CRYL1: variants seen among roughly 807,000 people sequenced by gnomAD.
CRYL1 encodes crystallin lambda 1.
A neutral mutation model predicts 36.6 loss-of-function variants in CRYL1; 29 were observed. The ratio of observed to expected loss-of-function variants is 0.79; its 90% CI spans 0.59 to 1.08. The LOEUF is 1.08. Ranked by LOEUF, CRYL1 falls within the 50% of genes least tolerant of loss-of-function variation. The pLI, the probability that CRYL1 is intolerant of heterozygous loss-of-function variation, is 0.00. For synonymous variants in CRYL1, 152 were observed against 151.5 expected (o/e 1.00, Z -0.02); for missense variants, 411 against 407.9 (o/e 1.01, Z -0.06).
intron 5 of CRYL1, among the ~76,000 whole-genome samples, chr13:20,420,523 G>GAA (rs60801537): frequency 5.6e-4 from 81 of 144,554 alleles, no homozygotes; most frequent in South Asian, 1.7e-3. Context: ...GGATTTAAAA[G>GAA]AAAAAAAAAA....
chr13:20,451,775 A>G (rs1396870504), intron 3 of CRYL1, among the ~76,000 whole-genome samples: 3 of 152,204 alleles, frequency 2.0e-5, no homozygotes, highest in Non-Finnish European at 2.9e-5. Flanking sequence ...CAGCAATCCC[A>G]TTACTGGGTA....
At chr13:20,514,237 C>T (rs2033963795) in intron 1 of CRYL1, among the ~76,000 whole-genome samples, 1 of 152,170 alleles carries the variant, frequency 6.6e-6, no homozygotes, top group Non-Finnish European at 1.5e-5. Context: ...AGTGGAGAAA[C>T]CTGACAAACC....
chr13:20,429,619 G>A (rs751697165), intron 5 of CRYL1, among the ~76,000 whole-genome samples: 5 of 152,162 alleles, frequency 3.3e-5, no homozygotes, highest in Non-Finnish European at 7.3e-5. Context: ...ATCACGGTAG[G>A]CAAGATTTCT....
intron 1 of CRYL1, among the ~76,000 whole-genome samples, chr13:20,520,775 ATGCACAGAG>A (rs2034079649): frequency 1.3e-5 from 2 of 152,192 alleles, no homozygotes. Flanking sequence ...GCAGCCTGGG[ATGCACAGAG>A]GTGAAACCAC....
At chr13:20,505,619 T>G (rs1006936632) in intron 2 of CRYL1, among the ~76,000 whole-genome samples, 1 of 152,128 alleles carries the variant, frequency 6.6e-6, no homozygotes, top group African/African-American at 2.4e-5. Context: ...CACACGTCAC[T>G]GCATAGTGAG....
intron 4 of CRYL1, among the ~76,000 whole-genome samples, chr13:20,439,174 C>T (rs1354165801): frequency 6.6e-6 from 1 of 152,160 alleles, no homozygotes; most frequent in East Asian, 1.9e-4. Flanking sequence ...AGTGACGTAT[C>T]TATACAATCC....
intron 5 of CRYL1, chr13:20,426,630 G>A: frequency 1.1e-6 from 1 of 918,274 alleles, no homozygotes; most frequent in Non-Finnish European, 1.3e-6. Context: ...ACAGAGCCAG[G>A]GACGTGGTAT....
chr13:20,413,702 G>A (rs1309500258), intron 5 of CRYL1, among the ~76,000 whole-genome samples: 1 of 152,120 alleles, frequency 6.6e-6, no homozygotes, highest in East Asian at 1.9e-4. Flanking sequence ...ATAATTTTGT[G>A]CATGAAATAG....
chr13:20,523,067 C>A (rs900223308), intron 1 of CRYL1, among the ~76,000 whole-genome samples: 8 of 151,926 alleles, frequency 5.3e-5, no homozygotes, highest in African/African-American at 1.5e-4. Flanking sequence ...CAGGCATGCA[C>A]CACCACGCCC....
At chr13:20,431,982 G>C in intron 5 of CRYL1, 120 bp downstream of exon 5, 4 of 1,567,068 alleles carry the variant, frequency 2.6e-6, no homozygotes, top group Non-Finnish European at 3.4e-6. Context: ...AGCAGCCTCT[G>C]ACTTTCCCAG....
chr13:20,419,471 T>C (rs1476761673), intron 5 of CRYL1, among the ~76,000 whole-genome samples: 2 of 151,928 alleles, frequency 1.3e-5, no homozygotes, highest in African/African-American at 4.9e-5. Flanking sequence ...TTTGTATTTT[T>C]AGTAGAGACA....
rs1022195468 is a variant in CRYL1, at chr13:20,427,210, C to T, written c.633+4892G>A. 6 of 985,342 alleles carry T rather than the reference C, an allele frequency of 6.1e-6. No homozygotes were observed. In the Admixed American group the frequency reaches 2.5e-4, roughly 40 times the overall value. 61.0% of individuals were successfully genotyped at this position (985,342 alleles called of 1,614,324 possible). On this transcript the variant is annotated intron_variant, in intron 5 of 7. Coordinates refer to ENST00000298248, the MANE Select transcript of CRYL1 (RefSeq NM_015974.3). ...ATCACGTGACCCAGGGAGCACGCCT[C>T]CGGCAGGGGAAGTAAGTGTCAGTAG...
intron 2 of CRYL1, among the ~76,000 whole-genome samples, chr13:20,507,078 G>T (rs1029437574): frequency 6.6e-6 from 1 of 152,190 alleles, no homozygotes; most frequent in Non-Finnish European, 1.5e-5. Context: ...GAGATGTGCC[G>T]TTCACCTTCA....
intron 3 of CRYL1, 141 bp downstream of exon 3, chr13:20,489,229 A>G: frequency 2.1e-6 from 2 of 942,110 alleles, no homozygotes; most frequent in Non-Finnish European, 3.1e-6. Flanking sequence ...CACATTTCCT[A>G]TCACATAAAA....
chr13:20,467,182 C>T (rs1348948869), intron 3 of CRYL1, among the ~76,000 whole-genome samples: 1 of 151,818 alleles, frequency 6.6e-6, no homozygotes, highest in Non-Finnish European at 1.5e-5. Flanking sequence ...CTCCTGACCT[C>T]ATGATCTGCC....
chr13:20,483,763 A>G (rs189274976), intron 3 of CRYL1, among the ~76,000 whole-genome samples: 2 of 151,654 alleles, frequency 1.3e-5, no homozygotes, highest in Non-Finnish European at 2.9e-5. Flanking sequence ...TTGGTCTCGA[A>G]CTCCTGAGCT....
At position 20,474,159 on chromosome 13, in the gene CRYL1, T is replaced by C. The variant is rs150026371; in HGVS notation, c.276+15211A>G. ...CTCAACTATGGCTCCTGGAAACTGT[T>C]CCACTTAAAAGCATACAAGAGTCAG... On this transcript the variant is annotated intron_variant, in intron 3 of 7. Transcript: ENST00000298248. 6.4e-3 allele frequency among the ~76,000 whole-genome samples: 980 copies of C among 152,214 alleles called. 12 individuals carry two copies. The highest frequency in any genetic ancestry group is 0.022 in the African/African-American group (906 of 41,506).
At chr13:20,509,844 C>T (rs557887195) in intron 2 of CRYL1, among the ~76,000 whole-genome samples, 13 of 152,146 alleles carry the variant, frequency 8.5e-5, no homozygotes, top group South Asian at 2.1e-4. Flanking sequence ...GCAGGAGAAT[C>T]GCTTGAACCT....
chr13:20,477,934 T>C (rs1281296380), intron 3 of CRYL1, among the ~76,000 whole-genome samples: 1 of 146,140 alleles, frequency 6.8e-6, no homozygotes, highest in Non-Finnish European at 1.5e-5. Context: ...TTACAGTATA[T>C]TATATATTAT....
Sources: gnomAD v4.1 joint callset for allele counts (sites outside exome capture counted in the v4.1 genomes callset) on GRCh38, gnomAD v4.1.1 for gene constraint, MANE v1.5 for transcripts, NCBI Gene and HGNC (gene_info 2026-07-23, HGNC 2026-07-21) for gene names.